The following PCDH7 variants were observed in gnomAD, a reference collection of about 807,000 sequenced individuals.
PCDH7 encodes protocadherin-7.
Under a neutral mutation model 58.9 loss-of-function variants are expected in PCDH7, and 17 were observed. The observed-to-expected ratio is 0.29, with a 90% CI of 0.20 to 0.43. The LOEUF (loss-of-function observed/expected upper bound fraction) is 0.43. Ranked by LOEUF, PCDH7 falls within the 20% of genes least tolerant of loss-of-function variation. The probability of loss-of-function intolerance (pLI) is 1.00; values close to 1 mark genes in which losing one functional copy is unlikely to be tolerated. For synonymous variants in PCDH7, 664 were observed against 616.4 expected (o/e 1.08, Z -1.14); for missense variants, 1,274 against 1,441.0 (o/e 0.88, Z 1.88).
At chr4:31,081,304 C>T (rs1354285659) in intron 3 of PCDH7, among the ~76,000 whole-genome samples, 1 of 152,128 alleles carries the variant, frequency 6.6e-6, no homozygotes, top group Non-Finnish European at 1.5e-5. Flanking sequence ...AAGGAAATAA[C>T]ATGCCAGTGA....
At chr4:30,867,919 A>T (rs545767864) in intron 1 of PCDH7, among the ~76,000 whole-genome samples, 40 of 152,214 alleles carry the variant, frequency 2.6e-4, no homozygotes, top group African/African-American at 9.6e-4. Context: ...TTTAATATAC[A>T]TTAAAATGTA....
Position 30,722,334 on chromosome 4 carries a change from C to G in PCDH7, c.912C>G (p.Asn304Lys), listed in dbSNP as rs1412684236. 1 of 1,611,376 alleles carries G rather than the reference C, an allele frequency of 6.2e-7. No homozygotes were observed. Among genetic ancestry groups the G allele is most frequent in the South Asian group, 1.1e-5 (1 of 90,790 alleles). The change falls in exon 1 of 2, where the codon AAC becomes AAG. Residue 304 changes from asparagine (N) to lysine (K), a missense_variant. Asn to Lys is a moderately conservative substitution (Grantham distance 94). Around this residue, in one of 3 missense-constraint regions of PCDH7, gnomAD observed 331 missense variants for 303.2 expected, o/e 1.09. Coordinates refer to ENST00000361762, the Ensembl canonical transcript of PCDH7. This position sits in a 1 kb window ranked among gnomAD's most constrained non-coding sequence, Gnocchi z 7.6. ...TCCTCATCACCGACGTGAACGACAA[C>G]AGCCCCCGCTTCGAGAAGAGCGTGT...
chr4:30,920,329 G>T, exon 2 of PCDH7: 2 of 1,367,484 alleles, frequency 1.5e-6, no homozygotes, highest in Non-Finnish European at 2.0e-6. Context: ...AAAGGACCAC[G>T]CCGGATGGCA....
intron 1 of PCDH7, among the ~76,000 whole-genome samples, chr4:30,895,136 A>G (rs1174336759): frequency 9.0e-6 from 1 of 111,178 alleles, no homozygotes; most frequent in Non-Finnish European, 1.9e-5. Flanking sequence ...CAATTTCAGC[A>G]AAAAAAAAAT....
intron 1 of PCDH7, among the ~76,000 whole-genome samples, chr4:30,742,236 C>A (rs1717173363): frequency 6.6e-6 from 1 of 151,990 alleles, no homozygotes; most frequent in South Asian, 2.1e-4. Context: ...TTCCTAGTGG[C>A]AAATAATCAT....
intron 1 of PCDH7, among the ~76,000 whole-genome samples, chr4:30,771,706 G>T (rs1380141358): frequency 1.3e-5 from 2 of 152,150 alleles, no homozygotes; most frequent in Admixed American, 6.5e-5. Flanking sequence ...TTTAATGATT[G>T]CAGACACCGG....
At chr4:30,818,656 A>C (rs1727987496) in intron 1 of PCDH7, among the ~76,000 whole-genome samples, 1 of 152,226 alleles carries the variant, frequency 6.6e-6, no homozygotes, top group South Asian at 2.1e-4. Context: ...TTGCATTAGA[A>C]TCTGGAACAC....
chr4:31,110,164 C>T (rs1370963614), intron 3 of PCDH7, among the ~76,000 whole-genome samples: 6 of 152,120 alleles, frequency 3.9e-5, no homozygotes, highest in South Asian at 2.1e-4. Flanking sequence ...CCCAGTTTTC[C>T]GCTGAGGAAA....
chr4:30,992,031 T>A (rs551645810), intron 3 of PCDH7, among the ~76,000 whole-genome samples: 3 of 152,302 alleles, frequency 2.0e-5, no homozygotes, highest in South Asian at 2.1e-4. Flanking sequence ...ATTCTGTGAC[T>A]AGGTGAATGA....
At chr4:30,731,231 T>G in exon 2 of PCDH7, 1 of 746,264 alleles carries the variant, frequency 1.3e-6, no homozygotes, top group Non-Finnish European at 1.6e-6. Context: ...TTAAGTGCCA[T>G]GTAATCACAG....
intron 1 of PCDH7, among the ~76,000 whole-genome samples, chr4:30,878,766 C>T (rs746875331): frequency 4.6e-5 from 7 of 152,128 alleles, no homozygotes; most frequent in Non-Finnish European, 8.8e-5. Context: ...AGGAAAATCG[C>T]TTGAACCTGG....
chr4:30,830,087 A>G (rs944831840), intron 1 of PCDH7, among the ~76,000 whole-genome samples: 2 of 151,830 alleles, frequency 1.3e-5, no homozygotes, highest in East Asian at 1.9e-4. Flanking sequence ...TCTTTAATAG[A>G]CTCTCATCTT....
intron 3 of PCDH7, among the ~76,000 whole-genome samples, chr4:31,022,335 G>A (rs1229473413): frequency 6.6e-6 from 1 of 152,162 alleles, no homozygotes; most frequent in Non-Finnish European, 1.5e-5. Context: ...TAACGGTAGA[G>A]TAAGTAATGA....
At chr4:30,998,681 C>G (rs1203296478) in intron 3 of PCDH7, among the ~76,000 whole-genome samples, 1 of 152,056 alleles carries the variant, frequency 6.6e-6, no homozygotes, top group Non-Finnish European at 1.5e-5. Context: ...TTGAAGACAA[C>G]AGTCTTAGAG....
Position 31,140,173 on chromosome 4 carries a change from G to A in PCDH7, c.*8-2300G>A, listed in dbSNP as rs531948960. The stretch of plus-strand genomic sequence containing the variant: ...AGGTACACAAGTTAAAAAGTAAGAA[G>A]ACTTGTTTGAGCATGAATATAGAAT... On this transcript the variant is annotated intron_variant, in intron 3 of 3. Transcript: ENST00000509759. Among the ~76,000 whole-genome samples, 9 of 152,220 alleles carry A rather than the reference G, an allele frequency of 5.9e-5. 2 individuals are homozygous for A. Among genetic ancestry groups the A allele is most frequent in the African/African-American group, 1.9e-4 (8 of 41,542 alleles).
chr4:31,114,473 A>G lies in PCDH7; in HGVS notation c.*8-28000A>G, dbSNP rs191153611. Among the ~76,000 whole-genome samples the G allele has an allele frequency of 2.0e-5, 3 of 152,248 alleles. No individual in the cohort carries two copies. In the East Asian group the frequency reaches 5.8e-4, roughly 29 times the overall value. On this transcript the variant is annotated intron_variant, in intron 3 of 3. Coordinates refer to the PCDH7 transcript ENST00000509759. ...TCACAATTCAGATATTGACCTATAAATTACCCCAAATCTGCATTCAAAATA... is the reference window on the plus strand; with the variant it reads ...TCACAATTCAGATATTGACCTATAAGTTACCCCAAATCTGCATTCAAAATA...
At chr4:31,102,650 G>A (rs1715045233) in intron 3 of PCDH7, among the ~76,000 whole-genome samples, 1 of 150,406 alleles carries the variant, frequency 6.6e-6, no homozygotes, top group Non-Finnish European at 1.5e-5. Context: ...TCCAGCCTGG[G>A]TGACAAGAGC....
chr4:30,724,610 CA>C lies in PCDH7; in HGVS notation c.3174+17del, dbSNP rs1476093627. On this transcript the variant is annotated intron_variant, in intron 1 of 1. Coordinates refer to ENST00000361762, the Ensembl canonical transcript of PCDH7. Reference sequence around the variant, plus strand: ...TACAGCAAACAGGTAAGATGTATCCCAAATATATTTAAATATCCCAGGGAGG... The same window carrying C: ...TACAGCAAACAGGTAAGATGTATCCCAATATATTTAAATATCCCAGGGAGG... The C allele has an allele frequency of 1.9e-6, 3 of 1,610,268 alleles. No homozygotes were observed. In the African/African-American group the frequency reaches 4.0e-5, roughly 22 times the overall value.
intron 3 of PCDH7, among the ~76,000 whole-genome samples, chr4:30,974,708 G>C (rs1214334001): frequency 6.6e-6 from 1 of 152,120 alleles, no homozygotes; most frequent in East Asian, 1.9e-4. Context: ...CCTTCCCACT[G>C]TTCTCTATTC....
Sources: allele counts gnomAD v4.1 joint callset (sites outside exome capture counted in the v4.1 genomes callset), GRCh38; gene constraint gnomAD v4.1.1; regional missense constraint gnomAD v4.1.1; non-coding constraint Gnocchi (gnomAD v3.1); transcripts MANE v1.5; gene names NCBI Gene and HGNC (gene_info 2026-07-23, HGNC 2026-07-21).